Variants in SCAMP1 observed in about 807,000 individuals in gnomAD.
SCAMP1 encodes secretory carrier-associated membrane protein 1.
In SCAMP1, 15 loss-of-function variants were observed where a neutral mutation model predicts 41.8. The ratio of observed to expected loss-of-function variants is 0.36; its 90% CI spans 0.24 to 0.55. SCAMP1 has a LOEUF of 0.55. Ranked by LOEUF, SCAMP1 falls within the 20% of genes least tolerant of loss-of-function variation. SCAMP1 has a pLI of 0.86. For synonymous variants in SCAMP1, 135 were observed against 136.8 expected (o/e 0.99, Z 0.09); for missense variants, 341 against 412.6 (o/e 0.83, Z 1.50).
chr5:78,468,342 G>A (rs1753794698), intron 8 of SCAMP1, among the ~76,000 whole-genome samples: 2 of 152,124 alleles, frequency 1.3e-5, no homozygotes, highest in South Asian at 4.1e-4. Context: ...TTTTACAAAA[G>A]CTCCTCTTTC....
intron 6 of SCAMP1, among the ~76,000 whole-genome samples, chr5:78,429,726 T>G (rs1752556322): frequency 6.6e-6 from 1 of 152,134 alleles, no homozygotes; most frequent in Admixed American, 6.6e-5. Flanking sequence ...TTATGTTGTG[T>G]GCCTTTGGAC....
Position 78,415,453 on chromosome 5 carries a change from T to C in SCAMP1, c.136-67T>C, listed in dbSNP as rs188564076. The C allele has an allele frequency of 1.3e-3, 1,201 of 930,748 alleles. 3 individuals are homozygous for C. Among genetic ancestry groups the C allele is most frequent in the Non-Finnish European group, 1.8e-3 (1,050 of 597,400 alleles). 57.7% of individuals were successfully genotyped at this position (930,748 alleles called of 1,614,324 possible). A position where few individuals can be genotyped will look rare whatever the true frequency, so the allele number is the denominator to read the frequency against. On this transcript the variant is annotated intron_variant, in intron 2 of 8. Transcript: ENST00000621999. ...GGGATTTTTCATTTTATTGGTGTTA[T>C]ACTTTTTGAAAGAAGTTAAAGTTGG... is the stretch of plus-strand genomic sequence containing the variant.
intron 7 of SCAMP1, among the ~76,000 whole-genome samples, chr5:78,452,277 G>A (rs1753256144): frequency 6.8e-6 from 1 of 147,130 alleles, no homozygotes; most frequent in South Asian, 2.2e-4. Context: ...CTGGTGCGCT[G>A]CACCCACTAA....
At chr5:78,398,903 A>AT (rs955317687) in intron 2 of SCAMP1, among the ~76,000 whole-genome samples, 1 of 152,112 alleles carries the variant, frequency 6.6e-6, no homozygotes, top group African/African-American at 2.4e-5. Flanking sequence ...GTAATGACCT[A>AT]TATCCATTAT....
intron 7 of SCAMP1, among the ~76,000 whole-genome samples, chr5:78,451,453 A>G (rs1753223356): frequency 6.6e-6 from 1 of 152,192 alleles, no homozygotes; most frequent in Admixed American, 6.5e-5. Flanking sequence ...GCTTTTTCAT[A>G]GCCACTCTCA....
rs879787181 is a variant in SCAMP1, at chr5:78,476,804, T to TA, written c.*1146dup. 366 of 145,886 alleles carry TA rather than the reference T, an allele frequency of 2.5e-3. No homozygotes were observed. Among genetic ancestry groups the TA allele is most frequent in the Non-Finnish European group, 3.7e-3 (240 of 65,538 alleles). The allele number at this position is 145,886 out of a possible 1,614,324, so 9.0% of individuals were successfully genotyped here. A position where few individuals can be genotyped will look rare whatever the true frequency, so the allele number is the denominator to read the frequency against. ...TGAATATATCTAAAATTTCCAGCAA[T>TA]AAAAAAAAAAGCATTTAACTTGCAC... On this transcript the variant is annotated 3_prime_UTR_variant, in exon 9 of 9. Transcript: ENST00000621999.
At chr5:78,438,180 A>AT (rs773266364) in intron 6 of SCAMP1, among the ~76,000 whole-genome samples, 23 of 152,110 alleles carry the variant, frequency 1.5e-4, no homozygotes, top group African/African-American at 4.8e-4. Flanking sequence ...GGATTCATTG[A>AT]TTTTTTGAAG....
chr5:78,421,804 A>G lies in SCAMP1; in HGVS notation c.476A>G (p.His159Arg). ...VKLMYYLWMF[H>R]AVTLFLNIFG... ...ATTTTGTTTTCTGATTCCACAGTCC[A>G]TGCAGTAACACTGTTTCTAAATATC... Residue 159 changes from histidine to arginine, a missense_variant, in exon 6 of 9, where the codon CAT becomes CGT. Physicochemically the swap from His to Arg is conservative, Grantham distance 29. Transcript: ENST00000621999. 1.9e-6 allele frequency: 3 copies of G among 1,613,168 alleles called. No individual in the cohort carries two copies. The highest frequency in any genetic ancestry group is 2.5e-6 in the Non-Finnish European group (3 of 1,179,448).
At chr5:78,430,698 G>A (rs1457017264) in intron 6 of SCAMP1, among the ~76,000 whole-genome samples, 1 of 151,758 alleles carries the variant, frequency 6.6e-6, no homozygotes, top group East Asian at 1.9e-4. Flanking sequence ...AAATTATTAG[G>A]AACTGAGGTT....
chr5:78,360,757 G>T (rs757274180), intron 1 of SCAMP1, 29 bp downstream of exon 1: 5 of 1,588,630 alleles, frequency 3.1e-6, no homozygotes, highest in Non-Finnish European at 4.3e-6. Flanking sequence ...ATCTCCTGCC[G>T]CCGCGACGCG....
chr5:78,477,050 A>G lies in SCAMP1; in HGVS notation c.*1382A>G, dbSNP rs1353190105. 2.6e-5 allele frequency: 4 copies of G among 152,172 alleles called. No homozygotes were observed. Among genetic ancestry groups the G allele is most frequent in the African/African-American group, 7.2e-5 (3 of 41,466 alleles). The allele number at this position is 152,172 out of a possible 1,614,324, so 9.4% of individuals were successfully genotyped here. On this transcript the variant is annotated 3_prime_UTR_variant, in exon 9 of 9. Transcript: ENST00000621999. ...ATTGCAGAATGATAGTGATTATTCA[A>G]TTAGATTTTAAGTAAGGATTGTGAT... is the stretch of plus-strand genomic sequence containing the variant.
intron 5 of SCAMP1, among the ~76,000 whole-genome samples, chr5:78,420,027 T>A (rs1175093558): frequency 6.6e-6 from 1 of 152,142 alleles, no homozygotes; most frequent in African/African-American, 2.4e-5. Context: ...TATATATGTT[T>A]ATTTTTTTAA....
intron 1 of SCAMP1, among the ~76,000 whole-genome samples, chr5:78,368,583 G>A (rs553555356): frequency 6.6e-6 from 1 of 152,252 alleles, no homozygotes; most frequent in South Asian, 2.1e-4. Context: ...TAATCCTATA[G>A]TATTCTGTTC....
chr5:78,444,482 T>C (rs1753006950), intron 6 of SCAMP1, among the ~76,000 whole-genome samples: 1 of 152,206 alleles, frequency 6.6e-6, no homozygotes, highest in Non-Finnish European at 1.5e-5. Flanking sequence ...CCTGCCCCCA[T>C]GATTCAGTTA....
intron 1 of SCAMP1, among the ~76,000 whole-genome samples, chr5:78,374,352 G>A (rs1057052330): frequency 5.9e-5 from 9 of 152,000 alleles, no homozygotes; most frequent in Non-Finnish European, 5.9e-5. Context: ...AGGGAAATTC[G>A]GACACAGAAG....
intron 4 of SCAMP1, among the ~76,000 whole-genome samples, chr5:78,417,344 T>C (rs905514615): frequency 2.6e-5 from 4 of 152,242 alleles, no homozygotes; most frequent in Non-Finnish European, 5.9e-5. Flanking sequence ...TAGGGCCTCA[T>C]GAGAACACAT....
At chr5:78,389,959 G>A (rs1751445412) in intron 2 of SCAMP1, among the ~76,000 whole-genome samples, 2 of 152,096 alleles carry the variant, frequency 1.3e-5, no homozygotes, top group South Asian at 2.1e-4. Flanking sequence ...TTCTGAGAGC[G>A]CTTCTAGAAA....
chr5:78,360,919 G>A (rs1750628257), intron 1 of SCAMP1, 191 bp downstream of exon 1: 4 of 590,294 alleles, frequency 6.8e-6, no homozygotes, highest in Admixed American at 3.0e-5. Context: ...TGGGGCTTGG[G>A]GGTGGAACCT....
intron 2 of SCAMP1, among the ~76,000 whole-genome samples, chr5:78,407,627 G>GT (rs66524275): frequency 2.1e-4 from 30 of 145,992 alleles, no homozygotes; most frequent in East Asian, 1.2e-3. Flanking sequence ...CCCTTATCCT[G>GT]TTTTTTTTTT....
Sources: allele counts gnomAD v4.1 joint callset (sites outside exome capture counted in the v4.1 genomes callset), GRCh38; gene constraint gnomAD v4.1.1; transcripts MANE v1.5; gene names NCBI Gene and HGNC (gene_info 2026-07-23, HGNC 2026-07-21).